The following CFAP74 variants were observed in gnomAD, a reference collection of about 807,000 sequenced individuals.
CFAP74 encodes cilia and flagella associated protein 74.
A neutral mutation model predicts 188.9 loss-of-function variants in CFAP74; 124 were observed. The observed-to-expected ratio is 0.66, with a 90% CI of 0.57 to 0.76. The LOEUF (loss-of-function observed/expected upper bound fraction) is 0.76, where lower values mean the gene tolerates loss of function less well. Ranked by LOEUF, CFAP74 falls within the 30% of genes least tolerant of loss-of-function variation. CFAP74 has a pLI of 0.00. For synonymous variants in CFAP74, 956 were observed against 916.7 expected (o/e 1.04, Z -0.77); for missense variants, 2,198 against 2,165.2 (o/e 1.02, Z -0.30).
Position 1,923,265 on chromosome 1 carries a change from C to G in CFAP74, c.4522+102G>C. The G allele has an allele frequency of 2.7e-6, 4 of 1,491,946 alleles. No individual in the cohort carries two copies. The highest frequency in any genetic ancestry group is 3.6e-6 in the Non-Finnish European group (4 of 1,112,164). 92.4% of individuals were successfully genotyped at this position (1,491,946 alleles called of 1,614,324 possible). A position where few individuals can be genotyped will look rare whatever the true frequency, so the allele number is the denominator to read the frequency against. On this transcript the variant is annotated intron_variant, in intron 36 of 38. Coordinates refer to ENST00000682832, the MANE Select transcript of CFAP74 (RefSeq NM_001304360.2). The surrounding 1 kb of genome is among the most constrained non-coding windows in gnomAD (Gnocchi z 6.3). Reference sequence around the variant, plus strand: ...TCCTGCTTGGCTCTGGGGTAGAAGGCTGGGAATCCCTGCCCTGCTCCGCTG... The same window carrying G: ...TCCTGCTTGGCTCTGGGGTAGAAGGGTGGGAATCCCTGCCCTGCTCCGCTG...
At chr1:2,002,111 G>A in intron 1 of CFAP74, among the ~76,000 whole-genome samples, 1 of 152,300 alleles carries the variant, frequency 6.6e-6, no homozygotes, top group East Asian at 1.9e-4. Flanking sequence ...GTGTGGCTGT[G>A]TTGGAGAATG....
At chr1:1,988,762 G>T in intron 3 of CFAP74, 107 bp from the exon 4 acceptor site, 1 of 1,390,878 alleles carries the variant, frequency 7.2e-7, no homozygotes, top group South Asian at 1.2e-5. Context: ...CTTCAGGGCG[G>T]GAGCTGCGGG....
At chr1:2,001,562 G>A (rs543432977) in intron 1 of CFAP74, among the ~76,000 whole-genome samples, 26 of 152,206 alleles carry the variant, frequency 1.7e-4, no homozygotes, top group African/African-American at 5.5e-4. Flanking sequence ...TACTGACCTC[G>A]TGATCCGCCC....
At chr1:1,992,537 G>C (rs1008521399) in intron 1 of CFAP74, among the ~76,000 whole-genome samples, 5 of 151,710 alleles carry the variant, frequency 3.3e-5, no homozygotes, top group South Asian at 4.2e-4. Context: ...GCAGTGGCGG[G>C]ATCTTGGCTC....
In CFAP74 at chr1:1,988,502, C is replaced by T. The variant is rs201140827; in HGVS notation, c.296+10G>A. The T allele has an allele frequency of 1.1e-3, 1,805 of 1,610,062 alleles. 1 individual carries two copies. The highest frequency in any genetic ancestry group is 1.4e-3 in the Non-Finnish European group (1,702 of 1,179,942). ...GAGGTGCAGGTGCAGCGGCCTCAGC[C>T]CCAGCTCACCTCATCTTCTCAGTGA... On this transcript the variant is annotated intron_variant, in intron 4 of 38. Coordinates refer to ENST00000682832, the MANE Select transcript of CFAP74 (RefSeq NM_001304360.2).
chr1:1,959,902 C>T lies in CFAP74; in HGVS notation c.1761+62G>A, dbSNP rs368623998. The T allele has an allele frequency of 1.8e-4, 260 of 1,428,228 alleles. No homozygotes were observed. In the East Asian group the frequency reaches 2.3e-3, roughly 12 times the overall value. The allele number at this position is 1,428,228 out of a possible 1,614,324, so 88.5% of individuals were successfully genotyped here. A position where few individuals can be genotyped will look rare whatever the true frequency, so the allele number is the denominator to read the frequency against. On this transcript the variant is annotated intron_variant, in intron 15 of 38. Transcript: ENST00000682832. ...CCATCATGTTCTGCGCCACCATGCC[C>T]GATCACAGGCTCCACCCACCACCAC...
chr1:1,970,199 G>A (rs768215556), intron 10 of CFAP74, among the ~76,000 whole-genome samples: 3 of 152,236 alleles, frequency 2.0e-5, no homozygotes, highest in African/African-American at 7.2e-5. Flanking sequence ...GAGGGGCCAG[G>A]AGGGCCCCAA....
rs1655675750 is a variant in CFAP74 at position 1,968,891 on chromosome 1, A to C, written c.1047-58T>G. ...AGGTCCCCTGCCTCCACCTTGCCCC[A>C]GATGAGACAGTGCCCGGCGGCCCCT... On this transcript the variant is annotated intron_variant, in intron 10 of 38. Coordinates refer to ENST00000682832, the MANE Select transcript of CFAP74 (RefSeq NM_001304360.2). The surrounding 1 kb of genome is among the most constrained non-coding windows in gnomAD (Gnocchi z 4.3). 3.2e-6 allele frequency: 5 copies of C among 1,551,574 alleles called. No individual in the cohort carries two copies. The highest frequency in any genetic ancestry group is 4.4e-6 in the Non-Finnish European group (5 of 1,132,204).
chr1:1,927,568 C>T (rs138156025), intron 28 of CFAP74, 39 bp downstream of exon 28: 1 of 1,535,898 alleles, frequency 6.5e-7, no homozygotes, highest in Non-Finnish European at 8.8e-7. Flanking sequence ...CCAGAGGGGC[C>T]TGGAGGGAAG....
intron 1 of CFAP74, among the ~76,000 whole-genome samples, chr1:2,002,708 T>C (rs1658266568): frequency 6.7e-6 from 1 of 150,374 alleles, no homozygotes; most frequent in South Asian, 2.1e-4. Context: ...TAGTATTATA[T>C]GAAGTTTAAT....
At chr1:1,933,216 G>A (rs1407993257) in intron 25 of CFAP74, among the ~76,000 whole-genome samples, 2 of 131,814 alleles carry the variant, frequency 1.5e-5, no homozygotes, top group African/African-American at 5.8e-5. Flanking sequence ...ATGGAGTCTC[G>A]CTCTGTCGCC....
rs1167585154 is a variant in CFAP74, at chr1:1,960,046, C to T, written c.1695-16G>A. ...GGGGTCAAAGCTGCAGGACGTGACC[C>T]ATAGCACACGGGGGTTAGTGCTGCG... is the stretch of plus-strand genomic sequence containing the variant. On this transcript the variant is annotated splice_polypyrimidine_tract_variant and intron_variant, in intron 14 of 38. Transcript: ENST00000682832. The T allele has an allele frequency of 6.3e-7, 1 of 1,594,422 alleles. No homozygotes were observed. The highest frequency in any genetic ancestry group is 1.4e-5 in the African/African-American group (1 of 72,932).
At chr1:1,971,459 T>C (rs564954596) in intron 9 of CFAP74, among the ~76,000 whole-genome samples, 1 of 152,244 alleles carries the variant, frequency 6.6e-6, no homozygotes, top group East Asian at 1.9e-4. Flanking sequence ...GCTCACACAC[T>C]GGGCCGTTGA....
At chr1:1,945,527 A>G (rs982665669) in intron 20 of CFAP74, among the ~76,000 whole-genome samples, 4 of 152,036 alleles carry the variant, frequency 2.6e-5, no homozygotes, top group African/African-American at 9.7e-5. Context: ...ATGTTTAAAC[A>G]TAGAAAGTTG....
intron 6 of CFAP74, chr1:1,984,157 T>G (rs1475362167): frequency 1.3e-5 from 2 of 152,028 alleles, no homozygotes; most frequent in African/African-American, 2.4e-5. Context: ...CCACGCCCAG[T>G]TAATTTTTGT....
chr1:1,929,612 A>T lies in CFAP74; in HGVS notation c.3288+448T>A, dbSNP rs1459723542. Among the ~76,000 whole-genome samples, 3 of 151,746 alleles carry T rather than the reference A, an allele frequency of 2.0e-5. No individual in the cohort carries two copies. The South Asian group carries it at 6.2e-4, about 32-fold the overall frequency. On this transcript the variant is annotated intron_variant, in intron 26 of 38. Coordinates refer to ENST00000682832, the MANE Select transcript of CFAP74 (RefSeq NM_001304360.2). Reference sequence around the variant, plus strand: ...CTCACTTAGGCCTTCGGCAGCCCTCAGGGTCACCCGAAGGCCCTGCCAGGC... The same window carrying T: ...CTCACTTAGGCCTTCGGCAGCCCTCTGGGTCACCCGAAGGCCCTGCCAGGC...
rs967866967 is a variant in CFAP74 at position 1,960,017 on chromosome 1, CA to C, written c.1707del (p.Gly570AlafsTer18). 9 of 1,592,248 alleles carry C rather than the reference CA, an allele frequency of 5.7e-6. No individual in the cohort carries two copies. The highest frequency in any genetic ancestry group is 2.4e-5 in the East Asian group (1 of 42,324). ...CAGGACATTCCGGCTGACAGGGGGC[CA>C]GGGGGGTCAAAGCTGCAGGACGTGA... ...RDFIHVDFDPPGPLSAGMSCE... is the reference protein window; with the variant it reads ...RDFIHVDFDPXGPLSAGMSCE... On this transcript the variant is annotated frameshift_variant, in exon 15 of 39. Transcript: ENST00000682832. LOFTEE classifies it high-confidence loss of function.
Position 1,942,107 on chromosome 1 carries a change from C to T in CFAP74, c.2536G>A (p.Ala846Thr), listed in dbSNP as rs1297017980. 1 of 1,532,010 alleles carries T rather than the reference C, an allele frequency of 6.5e-7. No homozygotes were observed. Among genetic ancestry groups the T allele is most frequent in the African/African-American group, 1.4e-5 (1 of 72,984 alleles). The allele number at this position is 1,532,010 out of a possible 1,614,324, so 94.9% of individuals were successfully genotyped here. A position where few individuals can be genotyped will look rare whatever the true frequency, so the allele number is the denominator to read the frequency against. Residue 846 changes from alanine (A) to threonine (T), a missense_variant, in exon 22 of 39, where the codon GCC (alanine) becomes ACC (threonine). Ala to Thr is a moderately conservative substitution (Grantham distance 58). Transcript: ENST00000682832. This position sits in a 1 kb window ranked among gnomAD's most constrained non-coding sequence, Gnocchi z 4.3. ...GTCTTGGGCAGGAGCTCCAGGTGGGCCCTCAGCTCCTTGCACACCTCGAAC... is the reference window on the plus strand; with the variant it reads ...GTCTTGGGCAGGAGCTCCAGGTGGGTCCTCAGCTCCTTGCACACCTCGAAC... ...LKFEVCKELRAHLELLPKTGY... is the reference protein window; with the variant it reads ...LKFEVCKELRTHLELLPKTGY...
chr1:1,970,319 G>A (rs1438168449), intron 10 of CFAP74, among the ~76,000 whole-genome samples: 2 of 152,208 alleles, frequency 1.3e-5, no homozygotes, highest in African/African-American at 4.8e-5. Flanking sequence ...GGAGACTTCT[G>A]GGTGGGCCAG....
Sources: allele counts gnomAD v4.1 joint callset (sites outside exome capture counted in the v4.1 genomes callset), GRCh38; gene constraint gnomAD v4.1.1; non-coding constraint Gnocchi (gnomAD v3.1); transcripts MANE v1.5; gene names NCBI Gene and HGNC (gene_info 2026-07-23, HGNC 2026-07-21).